Variants in CNTN5 observed in about 807,000 individuals in gnomAD.
The protein encoded by CNTN5 is contactin 5.
CNTN5 carries 77 observed loss-of-function variants against 129.1 expected under a neutral mutation model. The ratio of observed to expected loss-of-function variants is 0.60; its 90% CI spans 0.50 to 0.72. The LOEUF is 0.72. Among genes scored for constraint, CNTN5 ranks in the 30% least tolerant of loss-of-function variants. CNTN5 has a pLI of 0.00. For synonymous variants in CNTN5, 509 were observed against 465.6 expected (o/e 1.09, Z -1.20); for missense variants, 1,478 against 1,328.8 (o/e 1.11, Z -1.75).
At chr11:99,429,778 C>G (rs368016427) in intron 2 of CNTN5, among the ~76,000 whole-genome samples, 7 of 152,024 alleles carry the variant, frequency 4.6e-5, no homozygotes, top group Non-Finnish European at 1.0e-4. Context: ...CACTTTGTTA[C>G]TAAGGCATTT....
At chr11:100,137,276 A>C (rs1946558078) in intron 13 of CNTN5, among the ~76,000 whole-genome samples, 1 of 152,238 alleles carries the variant, frequency 6.6e-6, no homozygotes, top group South Asian at 2.1e-4. Flanking sequence ...GGAGGCTTAT[A>C]ATGTGAAATT....
At chr11:99,942,957 T>C (rs1322244753) in intron 7 of CNTN5, among the ~76,000 whole-genome samples, 3 of 151,998 alleles carry the variant, frequency 2.0e-5, no homozygotes, top group African/African-American at 7.2e-5. Context: ...CATTGATAAG[T>C]ATTTGGGTTG....
chr11:99,867,126 A>G (rs1004035328), intron 6 of CNTN5, among the ~76,000 whole-genome samples: 1 of 152,152 alleles, frequency 6.6e-6, no homozygotes, highest in African/African-American at 2.4e-5. Flanking sequence ...GTGTCCTTTC[A>G]ACTAATGCTC....
Position 99,751,948 on chromosome 11 carries a change from C to G in CNTN5, c.56-67596C>G, listed in dbSNP as rs189961134. On this transcript the variant is annotated intron_variant, in intron 3 of 24. Coordinates refer to ENST00000524871, the MANE Select transcript of CNTN5 (RefSeq NM_014361.4). Reference sequence around the variant, plus strand: ...CATGTGAGGACACAACATTCATCCTCTCCTTAGGATGTAGTCTTCAAAGTG... The same window carrying G: ...CATGTGAGGACACAACATTCATCCTGTCCTTAGGATGTAGTCTTCAAAGTG... 4.6e-5 allele frequency among the ~76,000 whole-genome samples: 7 copies of G among 152,258 alleles called. No individual in the cohort carries two copies. In the East Asian group the frequency reaches 1.2e-3, roughly 25 times the overall value.
intron 2 of CNTN5, among the ~76,000 whole-genome samples, chr11:99,422,138 C>T (rs1942914987): frequency 6.6e-6 from 1 of 152,060 alleles, no homozygotes; most frequent in African/African-American, 2.4e-5. Flanking sequence ...ATGAACAGAA[C>T]TTTGAAAGGA....
At chr11:99,050,666 TACTC>T (rs1864390194) in intron 1 of CNTN5, among the ~76,000 whole-genome samples, 3 of 151,818 alleles carry the variant, frequency 2.0e-5, no homozygotes, top group Admixed American at 2.0e-4. Context: ...TTCTAAGAGT[TACTC>T]ACATAGTTAC....
intron 2 of CNTN5, among the ~76,000 whole-genome samples, chr11:99,357,524 A>G (rs2136099164): frequency 6.6e-6 from 1 of 151,146 alleles, no homozygotes; most frequent in Admixed American, 6.6e-5. Context: ...TATTTTCGAC[A>G]AAATAACTAA....
intron 10 of CNTN5, among the ~76,000 whole-genome samples, chr11:100,069,332 T>A (rs988990719): frequency 1.3e-5 from 2 of 151,868 alleles, no homozygotes; most frequent in Admixed American, 6.6e-5. Context: ...TTTTTTTTTT[T>A]ATTTTTAGTA....
intron 3 of CNTN5, among the ~76,000 whole-genome samples, chr11:99,560,533 C>T (rs565404885): frequency 8.2e-4 from 125 of 152,086 alleles, no homozygotes; most frequent in Non-Finnish European, 1.4e-3. Context: ...TCAGGTGATC[C>T]GCCTGCCTCG....
chr11:99,752,084 G>A (rs1220902802), intron 3 of CNTN5, among the ~76,000 whole-genome samples: 2 of 151,732 alleles, frequency 1.3e-5, no homozygotes, highest in African/African-American at 4.8e-5. Flanking sequence ...TCTGATCTTT[G>A]TAAATTACTC....
In CNTN5 at chr11:99,455,942, T is replaced by C. The variant is rs939270517; in HGVS notation, c.-70-100203T>C. Reference sequence around the variant, plus strand: ...TTTTACTTTTATTCCCAAAGGATAGTTGTGGCTCTACCTATTGCCCATAAG... The same window carrying C: ...TTTTACTTTTATTCCCAAAGGATAGCTGTGGCTCTACCTATTGCCCATAAG... On this transcript the variant is annotated intron_variant, in intron 2 of 24. Coordinates refer to ENST00000524871, the MANE Select transcript of CNTN5 (RefSeq NM_014361.4). Among the ~76,000 whole-genome samples the C allele has an allele frequency of 8.5e-5, 13 of 152,132 alleles. 1 individual carries two copies. Among genetic ancestry groups the C allele is most frequent in the East Asian group, 3.9e-4 (2 of 5,184 alleles).
At chr11:99,733,321 C>CAA (rs35576351) in intron 3 of CNTN5, among the ~76,000 whole-genome samples, 27 of 96,166 alleles carry the variant, frequency 2.8e-4, no homozygotes, top group South Asian at 8.0e-4. Context: ...GATTCTGTCT[C>CAA]AAAAAAAAAA....
chr11:99,437,485 G>A (rs926595809), intron 2 of CNTN5, among the ~76,000 whole-genome samples: 3 of 152,080 alleles, frequency 2.0e-5, no homozygotes, highest in Admixed American at 1.3e-4. Flanking sequence ...AATATTTCCC[G>A]TTGTATACAT....
At position 99,295,169 on chromosome 11, in the gene CNTN5, T is replaced by A. The variant is rs868545139; in HGVS notation, c.-209-30177T>A. Among the ~76,000 whole-genome samples the A allele has an allele frequency of 8.5e-5, 13 of 152,246 alleles. No individual in the cohort carries two copies. In the South Asian group the frequency reaches 1.5e-3, roughly 17 times the overall value. Reference sequence around the variant, plus strand: ...CCAAGAGTTTAGAGTATGCTCCTTATCCAGGATTCCCATAAACCGAACCAC... The same window carrying A: ...CCAAGAGTTTAGAGTATGCTCCTTAACCAGGATTCCCATAAACCGAACCAC... On this transcript the variant is annotated intron_variant, in intron 1 of 24. Coordinates refer to ENST00000524871, the MANE Select transcript of CNTN5 (RefSeq NM_014361.4).
intron 2 of CNTN5, among the ~76,000 whole-genome samples, chr11:99,400,230 T>C (rs1941731872): frequency 6.6e-6 from 1 of 151,980 alleles, no homozygotes; most frequent in East Asian, 1.9e-4. Context: ...AAGGGTTCAA[T>C]AGTTTTGATT....
Position 99,962,716 on chromosome 11 carries a change from C to A in CNTN5, c.877+5707C>A, listed in dbSNP as rs1029741242. ...TCAAATGGTATTTCTAGTTCTAGATCCCTGAGGAATCGCCACACTGACTTC... is the reference window on the plus strand; with the variant it reads ...TCAAATGGTATTTCTAGTTCTAGATACCTGAGGAATCGCCACACTGACTTC... On this transcript the variant is annotated intron_variant, in intron 8 of 24. Transcript: ENST00000524871. Among the ~76,000 whole-genome samples the A allele has an allele frequency of 3.3e-5, 5 of 151,166 alleles. No individual in the cohort carries two copies. In the South Asian group the frequency reaches 6.3e-4, roughly 19 times the overall value.
chr11:99,760,416 G>A (rs1049061659), intron 3 of CNTN5, among the ~76,000 whole-genome samples: 2 of 151,920 alleles, frequency 1.3e-5, no homozygotes, highest in Non-Finnish European at 2.9e-5. Context: ...TAGGATATAT[G>A]TTCTAAAACT....
intron 2 of CNTN5, among the ~76,000 whole-genome samples, chr11:99,420,975 G>C (rs2135052914): frequency 6.6e-6 from 1 of 152,208 alleles, no homozygotes. Flanking sequence ...GGATAGCAGG[G>C]CCCTTCTTTC....
intron 3 of CNTN5, among the ~76,000 whole-genome samples, chr11:99,575,044 G>A (rs1271471064): frequency 6.6e-6 from 1 of 152,106 alleles, no homozygotes; most frequent in Non-Finnish European, 1.5e-5. Context: ...TTCCTTCTCT[G>A]TAACAAAATG....
Sources: gnomAD v4.1 joint callset for allele counts (sites outside exome capture counted in the v4.1 genomes callset) on GRCh38, gnomAD v4.1.1 for gene constraint, MANE v1.5 for transcripts, NCBI Gene and HGNC (gene_info 2026-07-23, HGNC 2026-07-21) for gene names.